The following DLC1 variants were observed in gnomAD, a reference collection of about 807,000 sequenced individuals.
DLC1 encodes DLC1 Rho GTPase activating protein, also known as rho GTPase-activating protein 7.
DLC1 carries 54 observed loss-of-function variants against 140.3 expected under a neutral mutation model. That is an observed-to-expected ratio of 0.38 (90% CI 0.31 to 0.48). DLC1 has a LOEUF of 0.48. Ranked by LOEUF, DLC1 falls within the 20% of genes least tolerant of loss-of-function variation. DLC1 has a pLI of 0.96. For synonymous variants in DLC1, 986 were observed against 728.1 expected (o/e 1.35, Z -5.70); for missense variants, 2,536 against 1,907.0 (o/e 1.33, Z -6.14).
chr8:13,537,117 C>T (rs533449695), intron 1 of DLC1, among the ~76,000 whole-genome samples: 2 of 139,094 alleles, frequency 1.4e-5, no homozygotes, highest in East Asian at 2.1e-4. Context: ...AAAACCATAA[C>T]AGTACATTAA....
In DLC1 at chr8:13,300,505, C is replaced by T. The variant is rs1212694024; in HGVS notation, c.1348+4764G>A. ...ACCTCATTGTCCCACCATCCCCCTC[C>T]CCCAGTCTCCTGCTAGAGCTTCTCG... On this transcript the variant is annotated intron_variant, in intron 5 of 17. Coordinates refer to ENST00000276297, the MANE Select transcript of DLC1 (RefSeq NM_182643.3). Among the ~76,000 whole-genome samples, 6 of 152,134 alleles carry T rather than the reference C, an allele frequency of 3.9e-5. No homozygotes were observed. In the East Asian group the frequency reaches 1.2e-3, roughly 29 times the overall value.
intron 2 of DLC1, among the ~76,000 whole-genome samples, chr8:13,479,863 A>AGAAGAAGAAGAGAAAAAGAAAG (rs1563383641): frequency 1.8e-5 from 1 of 56,382 alleles, no homozygotes; most frequent in African/African-American, 6.9e-5. Flanking sequence ...GAAGAAGAGA[A>AGAAGAAGAAGAGAAAAAGAAAG]AAAGAAAGAA....
chr8:13,288,157 A>T (rs1831603287), intron 5 of DLC1, among the ~76,000 whole-genome samples: 1 of 152,188 alleles, frequency 6.6e-6, no homozygotes, highest in Non-Finnish European at 1.5e-5. Context: ...CATGAAATGT[A>T]TACTTATTAA....
At chr8:13,479,614 AG>A (rs914083022) in intron 2 of DLC1, among the ~76,000 whole-genome samples, 3 of 152,022 alleles carry the variant, frequency 2.0e-5, no homozygotes, top group African/African-American at 7.2e-5. Context: ...AACTCTAGGG[AG>A]GAAAAATATC....
intron 5 of DLC1, among the ~76,000 whole-genome samples, chr8:13,209,673 C>A (rs149909739): frequency 1.3e-5 from 2 of 151,970 alleles, no homozygotes; most frequent in Non-Finnish European, 2.9e-5. Context: ...GTACTGTCCT[C>A]GTGATAGTCA....
chr8:13,266,341 T>C (rs984829771), intron 5 of DLC1, among the ~76,000 whole-genome samples: 2 of 152,186 alleles, frequency 1.3e-5, no homozygotes, highest in African/African-American at 4.8e-5. Flanking sequence ...GCATGTTTTG[T>C]ATGTTGTTTG....
At chr8:13,542,269 T>C (rs1049566735) in intron 1 of DLC1, among the ~76,000 whole-genome samples, 3 of 152,228 alleles carry the variant, frequency 2.0e-5, no homozygotes, top group African/African-American at 7.2e-5. Flanking sequence ...TATGCCTATG[T>C]ATGTACAAAT....
At chr8:13,306,563 T>C (rs1159680538) in intron 4 of DLC1, among the ~76,000 whole-genome samples, 1 of 145,758 alleles carries the variant, frequency 6.9e-6, no homozygotes, top group Non-Finnish European at 1.5e-5. Flanking sequence ...TGTGTTTGTG[T>C]GTGTGTGTGT....
rs142244254 is a variant in DLC1, at chr8:13,395,101, A to G, written c.1174-1408T>C. Among the ~76,000 whole-genome samples the G allele has an allele frequency of 2.1e-3, 300 of 144,876 alleles. 2 individuals are homozygous for G. The highest frequency in any genetic ancestry group is 7.1e-3 in the African/African-American group (277 of 39,014). ...AATTTGTCTACCTTCCTATCCATCT[A>G]TGCATCCATCTCTCTTTATAATTCT... On this transcript the variant is annotated intron_variant, in intron 3 of 17. Transcript: ENST00000276297.
intron 5 of DLC1, among the ~76,000 whole-genome samples, chr8:13,265,006 A>C (rs967271708): frequency 1.3e-5 from 2 of 152,224 alleles, no homozygotes; most frequent in African/African-American, 4.8e-5. Context: ...ACTCTTCAAA[A>C]GTTATTAAAA....
At chr8:13,320,299 T>C (rs1158926889) in intron 4 of DLC1, among the ~76,000 whole-genome samples, 1 of 152,210 alleles carries the variant, frequency 6.6e-6, no homozygotes, top group Non-Finnish European at 1.5e-5. Context: ...ATTTCTGCTC[T>C]CTATGAAATG....
At chr8:13,346,517 T>C (rs1834347170) in intron 4 of DLC1, among the ~76,000 whole-genome samples, 1 of 152,216 alleles carries the variant, frequency 6.6e-6, no homozygotes, top group Admixed American at 6.5e-5. Context: ...GCCAAGTCTG[T>C]TCACAAAGTC....
At chr8:13,437,978 G>A (rs1449142041) in intron 2 of DLC1, among the ~76,000 whole-genome samples, 1 of 150,240 alleles carries the variant, frequency 6.7e-6, no homozygotes, top group Non-Finnish European at 1.5e-5. Context: ...GGGTCCCCAG[G>A]AAGAATGAAA....
At chr8:13,535,397 A>G (rs1409536352) in intron 1 of DLC1, among the ~76,000 whole-genome samples, 2 of 152,160 alleles carry the variant, frequency 1.3e-5, no homozygotes, top group African/African-American at 4.8e-5. Flanking sequence ...ATCTTCCTGC[A>G]ACTTACGATT....
At chr8:13,510,984 T>G (rs182591768) in intron 1 of DLC1, among the ~76,000 whole-genome samples, 8 of 152,312 alleles carry the variant, frequency 5.3e-5, no homozygotes, top group Admixed American at 3.3e-4. Flanking sequence ...CCTTTCTTTT[T>G]TTTTTCCTTC....
intron 4 of DLC1, among the ~76,000 whole-genome samples, chr8:13,345,418 G>C (rs1039407737): frequency 1.3e-5 from 2 of 152,082 alleles, no homozygotes; most frequent in South Asian, 2.1e-4. Flanking sequence ...GGTTACCTGG[G>C]AGTGGCAATG....
chr8:13,160,474 A>G (rs1396581593), intron 5 of DLC1, among the ~76,000 whole-genome samples: 1 of 152,186 alleles, frequency 6.6e-6, no homozygotes, highest in Non-Finnish European at 1.5e-5. Context: ...GGGCTTTCAC[A>G]GGCTCTGTCC....
At chr8:13,413,717 G>A (rs767982174) in intron 2 of DLC1, among the ~76,000 whole-genome samples, 11 of 152,004 alleles carry the variant, frequency 7.2e-5, no homozygotes, top group Non-Finnish European at 1.0e-4. Flanking sequence ...GTTTTCCCCT[G>A]CTCTATTGCT....
At chr8:13,415,546 C>T (rs975059009) in intron 2 of DLC1, among the ~76,000 whole-genome samples, 1 of 151,798 alleles carries the variant, frequency 6.6e-6, no homozygotes, top group Non-Finnish European at 1.5e-5. Flanking sequence ...AGTACAGGCT[C>T]CCGCCACCAC....
Sources: gnomAD v4.1 joint callset for allele counts (sites outside exome capture counted in the v4.1 genomes callset) on GRCh38, gnomAD v4.1.1 for gene constraint, MANE v1.5 for transcripts, NCBI Gene and HGNC (gene_info 2026-07-23, HGNC 2026-07-21) for gene names.